ABHD17C: variants seen among roughly 807,000 people sequenced by gnomAD.
ABHD17C encodes the protein alpha/beta hydrolase domain-containing protein 17C.
ABHD17C carries 11 observed loss-of-function variants against 27.9 expected under a neutral mutation model. That is an observed-to-expected ratio of 0.39 (90% CI 0.25 to 0.65). The LOEUF is 0.65. Among genes scored for constraint, ABHD17C ranks in the 30% least tolerant of loss-of-function variants. The probability of loss-of-function intolerance (pLI) is 0.45; values close to 1 mark genes in which losing one functional copy is unlikely to be tolerated. For missense variants in ABHD17C, 280 were observed against 470.2 expected (o/e 0.60, Z 3.74); for synonymous variants, 233 against 209.1 (o/e 1.11, Z -0.98).
At chr15:80,749,781 T>A (rs1895341647) in intron 2 of ABHD17C, 89 bp downstream of exon 2, 1 of 1,439,838 alleles carries the variant, frequency 6.9e-7, no homozygotes, top group Non-Finnish European at 9.5e-7. Context: ...TAAATATTTA[T>A]TGAATGCAGC....
intron 1 of ABHD17C, among the ~76,000 whole-genome samples, chr15:80,709,829 A>G (rs1894706220): frequency 6.6e-6 from 1 of 152,128 alleles, no homozygotes; most frequent in Non-Finnish European, 1.5e-5. Flanking sequence ...CTCCTTTCTG[A>G]CACACCTAAT....
Position 80,754,135 on chromosome 15 carries a change from C to A in ABHD17C, c.771-16C>A, listed in dbSNP as rs57335739. Reference sequence around the variant, plus strand: ...AATGGAGTCCTCTTTCTGCCTCCCCCCTTTCTGTTTTGCAGCATTGACAAG... The same window carrying A: ...AATGGAGTCCTCTTTCTGCCTCCCCACTTTCTGTTTTGCAGCATTGACAAG... On this transcript the variant is annotated splice_polypyrimidine_tract_variant and intron_variant, in intron 2 of 2. Coordinates refer to ENST00000258884, the MANE Select transcript of ABHD17C (RefSeq NM_021214.2). 20 of 1,601,278 alleles carry A rather than the reference C, an allele frequency of 1.2e-5. No homozygotes were observed. The East Asian group carries it at 1.3e-4, about 11-fold the overall frequency.
At chr15:80,752,896 T>C (rs1895383192) in intron 2 of ABHD17C, among the ~76,000 whole-genome samples, 1 of 152,258 alleles carries the variant, frequency 6.6e-6, no homozygotes, top group African/African-American at 2.4e-5. Flanking sequence ...CATATTGTTT[T>C]AAAGATCCTC....
chr15:80,744,884 T>G (rs1317962799), intron 1 of ABHD17C, among the ~76,000 whole-genome samples: 1 of 152,250 alleles, frequency 6.6e-6, no homozygotes, highest in African/African-American at 2.4e-5. Context: ...TTGCTTTTTG[T>G]TAAAATTAAC....
chr15:80,752,272 A>G (rs1358362677), intron 2 of ABHD17C, among the ~76,000 whole-genome samples: 1 of 152,252 alleles, frequency 6.6e-6, no homozygotes, highest in Non-Finnish European at 1.5e-5. Flanking sequence ...TAAGATTTCT[A>G]AAGTGCATAA....
chr15:80,731,721 T>C (rs1895059962), intron 1 of ABHD17C, among the ~76,000 whole-genome samples: 1 of 152,048 alleles, frequency 6.6e-6, no homozygotes, highest in Non-Finnish European at 1.5e-5. Context: ...AAAAGACAAA[T>C]TTTACTGTTT....
intron 1 of ABHD17C, among the ~76,000 whole-genome samples, chr15:80,745,677 G>A (rs903579987): frequency 6.6e-6 from 1 of 152,110 alleles, no homozygotes; most frequent in African/African-American, 2.4e-5. Flanking sequence ...TTAACAGCAT[G>A]ACTTTAAGAT....
intron 1 of ABHD17C, among the ~76,000 whole-genome samples, chr15:80,742,183 G>T (rs141591756): frequency 1.8e-4 from 27 of 152,200 alleles, no homozygotes; most frequent in African/African-American, 6.3e-4. Context: ...GTTGCCTCAC[G>T]TGATTATGGA....
chr15:80,708,663 G>A (rs1894683071), intron 1 of ABHD17C, among the ~76,000 whole-genome samples: 1 of 152,220 alleles, frequency 6.6e-6, no homozygotes, highest in African/African-American at 2.4e-5. Flanking sequence ...GCTTAACTCT[G>A]CGTGGTCAGC....
intron 1 of ABHD17C, among the ~76,000 whole-genome samples, chr15:80,726,501 G>GTTTGTTTTTTTTTTTTTTT (rs1894978114): frequency 2.1e-4 from 20 of 94,512 alleles, no homozygotes; most frequent in African/African-American, 1.1e-3. Context: ...TCTTTTTCTG[G>GTTTGTTTTTTTTTTTTTTT]TTTTTTTTTT....
intron 1 of ABHD17C, among the ~76,000 whole-genome samples, chr15:80,720,295 G>C (rs1392089397): frequency 6.6e-6 from 1 of 151,284 alleles, no homozygotes; most frequent in Admixed American, 6.6e-5. Context: ...CTTTCTTGGT[G>C]GGCCCCCTGT....
At chr15:80,696,774 G>T (rs1212365438) in intron 1 of ABHD17C, among the ~76,000 whole-genome samples, 1 of 152,182 alleles carries the variant, frequency 6.6e-6, no homozygotes, top group African/African-American at 2.4e-5. Context: ...CACAAACTGG[G>T]GGCATGGTTT....
chr15:80,732,334 C>T (rs565308370), intron 1 of ABHD17C, among the ~76,000 whole-genome samples: 2 of 152,350 alleles, frequency 1.3e-5, no homozygotes, highest in South Asian at 4.1e-4. Context: ...TCACTGAGCT[C>T]ACCGTGCTTC....
Position 80,695,630 on chromosome 15 carries a change from C to CGCG in ABHD17C, c.204_206dup (p.Ala69dup), listed in dbSNP as rs1349961870. 1 of 1,205,446 alleles carries CGCG rather than the reference C, an allele frequency of 8.3e-7. No individual in the cohort carries two copies. Among genetic ancestry groups the CGCG allele is most frequent in the East Asian group, 3.4e-5 (1 of 29,002 alleles). 74.7% of individuals were successfully genotyped at this position (1,205,446 alleles called of 1,614,324 possible). A position where few individuals can be genotyped will look rare whatever the true frequency, so the allele number is the denominator to read the frequency against. ...CGGCCCAGGCTACCGCCGCCGCCGC[C>CGCG]GCGGCCCAGCCGGCACCGCAGCAGC... On this transcript the variant is annotated inframe_insertion, in exon 1 of 3. Coordinates refer to ENST00000258884, the MANE Select transcript of ABHD17C (RefSeq NM_021214.2). The surrounding 1 kb of genome is among the most constrained non-coding windows in gnomAD (Gnocchi z 4.3).
At chr15:80,746,010 T>G (rs1293754826) in intron 1 of ABHD17C, among the ~76,000 whole-genome samples, 1 of 152,228 alleles carries the variant, frequency 6.6e-6, no homozygotes, top group Non-Finnish European at 1.5e-5. Flanking sequence ...TGTCACTTAA[T>G]ATTGCCAAAC....
intron 1 of ABHD17C, among the ~76,000 whole-genome samples, chr15:80,711,742 C>T (rs1894731485): frequency 6.6e-6 from 1 of 152,164 alleles, no homozygotes; most frequent in Non-Finnish European, 1.5e-5. Flanking sequence ...GGGACTTTTG[C>T]AGGCATTGGA....
chr15:80,722,161 ACTGGAATTC>A (rs1287643268), intron 1 of ABHD17C, among the ~76,000 whole-genome samples: 1 of 151,150 alleles, frequency 6.6e-6, no homozygotes, highest in Non-Finnish European at 1.5e-5. Flanking sequence ...CGAGAAGCGC[ACTGGAATTC>A]CTTCTGATTT....
intron 1 of ABHD17C, among the ~76,000 whole-genome samples, chr15:80,722,712 C>G (rs532731081): frequency 1.3e-5 from 2 of 152,328 alleles, no homozygotes; most frequent in Non-Finnish European, 2.9e-5. Context: ...TTAACCAACA[C>G]CTCCCCATTA....
intron 1 of ABHD17C, among the ~76,000 whole-genome samples, chr15:80,698,710 T>G (rs990924299): frequency 6.6e-6 from 1 of 152,220 alleles, no homozygotes; most frequent in African/African-American, 2.4e-5. Flanking sequence ...CAAGTTCTTA[T>G]GCTATTCTCT....
Sources: gnomAD v4.1 joint callset for allele counts (sites outside exome capture counted in the v4.1 genomes callset) on GRCh38, gnomAD v4.1.1 for gene constraint, Gnocchi (gnomAD v3.1) non-coding constraint, MANE v1.5 for transcripts, NCBI Gene and HGNC (gene_info 2026-07-23, HGNC 2026-07-21) for gene names.